TENM1: variants seen among roughly 807,000 people sequenced by gnomAD.
TENM1 encodes the protein teneurin transmembrane protein 1.
TENM1 carries 35 observed loss-of-function variants against 174.8 expected under a neutral mutation model. The observed-to-expected ratio is 0.20, with a 90% CI of 0.15 to 0.27. The LOEUF (loss-of-function observed/expected upper bound fraction) is 0.27, where lower values mean the gene tolerates loss of function less well. Among genes scored for constraint, TENM1 ranks in the 10% least tolerant of loss-of-function variants. The probability of loss-of-function intolerance (pLI) is 1.00; values close to 1 mark genes in which losing one functional copy is unlikely to be tolerated. For missense variants in TENM1, 1,633 were observed against 2,130.1 expected (o/e 0.77, Z 4.59); for synonymous variants, 781 against 798.7 (o/e 0.98, Z 0.37).
the TENM1 span, among the ~76,000 whole-genome samples, chrX:124,976,561 G>T: frequency 2.7e-5 from 3 of 111,771 alleles, no homozygotes; most frequent in Non-Finnish European, 5.6e-5. Context: ...ATATAACAAA[G>T]AAAATAAGCT....
chrX:124,798,320 C>A (rs999472739), intron 3 of TENM1, among the ~76,000 whole-genome samples: 8 of 111,558 alleles, frequency 7.2e-5, no homozygotes, highest in African/African-American at 2.6e-4. Context: ...AGTGTACAAG[C>A]ATTCCTATTT....
intron 3 of TENM1, among the ~76,000 whole-genome samples, chrX:124,737,726 T>G (rs2053707804): frequency 2.7e-5 from 3 of 112,450 alleles, no homozygotes; most frequent in Admixed American, 1.9e-4. Context: ...CTCACGAGTG[T>G]GTCGCTTGGC....
At chrX:125,187,585 TTAA>T in the TENM1 span, among the ~76,000 whole-genome samples, 1 of 112,020 alleles carries the variant, frequency 8.9e-6, no homozygotes, top group Non-Finnish European at 1.9e-5. Context: ...CTGTTAGATG[TTAA>T]TGATCACTTC....
chrX:125,062,987 A>T, the TENM1 span, among the ~76,000 whole-genome samples: 1 of 112,500 alleles, frequency 8.9e-6, no homozygotes, highest in Non-Finnish European at 1.9e-5. Flanking sequence ...TTAACACACA[A>T]ATGAATGAAC....
At chrX:125,051,689 T>G in the TENM1 span, among the ~76,000 whole-genome samples, 1 of 102,220 alleles carries the variant, frequency 9.8e-6, no homozygotes, top group Admixed American at 1.1e-4. Context: ...ATACAAAAAT[T>G]AATTCAAGAT....
At chrX:124,978,806 C>A in the TENM1 span, among the ~76,000 whole-genome samples, 20 of 111,962 alleles carry the variant, frequency 1.8e-4, no homozygotes, top group Non-Finnish European at 3.0e-4. Flanking sequence ...TGCCCTGCAG[C>A]TTTTATTATC....
At chrX:125,054,782 CAT>C in the TENM1 span, among the ~76,000 whole-genome samples, 2 of 111,259 alleles carry the variant, frequency 1.8e-5, no homozygotes, top group Admixed American at 9.6e-5. Context: ...AGAACGGAGA[CAT>C]GTGGAGGAGG....
chrX:124,565,411 A>C (rs765942514), exon 12 of TENM1: 1 of 1,207,668 alleles, frequency 8.3e-7, no homozygotes, highest in Non-Finnish European at 1.1e-6. Context: ...CCAGGGCTAC[A>C]CTCACATTTT....
intron 3 of TENM1, among the ~76,000 whole-genome samples, chrX:124,856,036 GT>G (rs1266347462): frequency 9.2e-6 from 1 of 108,137 alleles, no homozygotes; most frequent in Non-Finnish European, 1.9e-5. Context: ...GTTTCAGTTT[GT>G]TTTTTTTTAA....
chrX:124,774,409 GAA>G (rs200062328), intron 3 of TENM1, among the ~76,000 whole-genome samples: 3,264 of 111,161 alleles, frequency 0.029, 30 homozygotes, highest in Non-Finnish European at 0.046. Context: ...AGGATAGAAT[GAA>G]ATGATATGAT....
the TENM1 span, among the ~76,000 whole-genome samples, chrX:125,185,519 G>GA: frequency 4.5e-5 from 5 of 112,242 alleles, no homozygotes; most frequent in African/African-American, 1.6e-4. Context: ...TTAAAACAAT[G>GA]CATTTCATTT....
the TENM1 span, among the ~76,000 whole-genome samples, chrX:125,133,086 C>T: frequency 4.5e-5 from 5 of 110,969 alleles, no homozygotes; most frequent in Admixed American, 9.6e-5. Context: ...CTCCGCCTCC[C>T]GGGTTCACAC....
chrX:124,706,051 C>T (rs762031629), intron 4 of TENM1, among the ~76,000 whole-genome samples: 8 of 111,032 alleles, frequency 7.2e-5, no homozygotes, highest in Non-Finnish European at 1.5e-4. Flanking sequence ...GACTACAGTT[C>T]GCACCACCAC....
chrX:124,793,961 G>A (rs1310322106), intron 3 of TENM1, among the ~76,000 whole-genome samples: 1 of 109,901 alleles, frequency 9.1e-6, no homozygotes, highest in East Asian at 2.9e-4. Context: ...TTGCCCTCTG[G>A]ACTGTGAAAT....
chrX:124,780,062 G>A (rs2054873877), intron 3 of TENM1, among the ~76,000 whole-genome samples: 1 of 111,575 alleles, frequency 9.0e-6, no homozygotes, highest in African/African-American at 3.3e-5. Context: ...GTATAGATTA[G>A]GGATTAGGCT....
At chrX:125,186,664 C>G in the TENM1 span, among the ~76,000 whole-genome samples, 1 of 110,099 alleles carries the variant, frequency 9.1e-6, no homozygotes, top group African/African-American at 3.3e-5. Context: ...CACCTTCTGA[C>G]ATGATTGGAA....
At chrX:124,813,263 T>C (rs996651308) in intron 3 of TENM1, among the ~76,000 whole-genome samples, 7 of 111,494 alleles carry the variant, frequency 6.3e-5, no homozygotes, top group Non-Finnish European at 1.3e-4. Context: ...TTAGTGTTTA[T>C]CAGATGGGCA....
chrX:125,114,025 A>T, the TENM1 span, among the ~76,000 whole-genome samples: 3 of 111,549 alleles, frequency 2.7e-5, no homozygotes, highest in Non-Finnish European at 5.6e-5. Context: ...AACACTCCTC[A>T]GCAAATGCAA....
chrX:124,930,502 A>G (rs2058154795), intron 1 of TENM1, among the ~76,000 whole-genome samples: 1 of 111,641 alleles, frequency 9.0e-6, no homozygotes. Context: ...TACCGAATTG[A>G]TACTCATGTT....
Sources: gnomAD v4.1 joint callset for allele counts (sites outside exome capture counted in the v4.1 genomes callset) on GRCh38, gnomAD v4.1.1 for gene constraint, MANE v1.5 for transcripts, NCBI Gene and HGNC (gene_info 2026-07-23, HGNC 2026-07-21) for gene names.